The following ZZEF1 variants were observed in gnomAD, a reference collection of about 807,000 sequenced individuals.
ZZEF1 encodes the protein zinc finger ZZ-type and EF-hand domain-containing protein 1.
In ZZEF1, 157 loss-of-function variants were observed where a neutral mutation model predicts 342.8. The observed-to-expected ratio is 0.46, with a 90% CI of 0.40 to 0.52. The LOEUF (loss-of-function observed/expected upper bound fraction) is 0.52. ZZEF1 is among the 20% of genes least tolerant of loss of function. ZZEF1 has a pLI of 0.00. For synonymous variants in ZZEF1, 1,505 were observed against 1,429.1 expected (o/e 1.05, Z -1.20); for missense variants, 3,480 against 3,725.6 (o/e 0.93, Z 1.72).
chr17:4,140,659 G>A (rs776611134), intron 1 of ZZEF1, among the ~76,000 whole-genome samples: 15 of 152,100 alleles, frequency 9.9e-5, no homozygotes, highest in Non-Finnish European at 1.9e-4. Flanking sequence ...AGTATTTCTT[G>A]ACCTTCTATT....
chr17:4,062,742 T>C lies in ZZEF1; in HGVS notation c.4883+11A>G, dbSNP rs1197655086. ...TGCTGTTTTCCTTCTGGACCTGTCCTTTGTACTTACTTGGTAAAATCTTTC... is the reference window on the plus strand; with the variant it reads ...TGCTGTTTTCCTTCTGGACCTGTCCCTTGTACTTACTTGGTAAAATCTTTC... On this transcript the variant is annotated intron_variant, in intron 30 of 54. Transcript: ENST00000381638. The C allele has an allele frequency of 1.3e-6, 2 of 1,590,812 alleles. No homozygotes were observed. The highest frequency in any genetic ancestry group is 4.5e-5 in the East Asian group (2 of 44,328).
chr17:4,044,884 T>C (rs1180384903), intron 37 of ZZEF1, among the ~76,000 whole-genome samples: 2 of 152,182 alleles, frequency 1.3e-5, no homozygotes, highest in African/African-American at 4.8e-5. Flanking sequence ...CTGGGTGTGA[T>C]GGCTCATGTC....
chr17:4,006,043 T>G lies in ZZEF1; in HGVS notation c.*847A>C, dbSNP rs917124839. 6 of 152,240 alleles carry G rather than the reference T, an allele frequency of 3.9e-5. No individual in the cohort carries two copies. The highest frequency in any genetic ancestry group is 6.5e-5 in the Admixed American group (1 of 15,294). The allele number at this position is 152,240 out of a possible 1,614,324, so 9.4% of individuals were successfully genotyped here. On this transcript the variant is annotated 3_prime_UTR_variant, in exon 55 of 55. Coordinates refer to ENST00000381638, the MANE Select transcript of ZZEF1 (RefSeq NM_015113.4). The stretch of plus-strand genomic sequence containing the variant: ...AATAAAATTATGTGGGTTTTTACTC[T>G]TAAAATAAGATATCCTCTGATCATC...
At chr17:4,119,362 A>G (rs758345229) in intron 2 of ZZEF1, among the ~76,000 whole-genome samples, 2 of 152,176 alleles carry the variant, frequency 1.3e-5, no homozygotes, top group Non-Finnish European at 2.9e-5. Context: ...AATGTCTGCA[A>G]TCCCTCCAGG....
chr17:4,076,133 C>CTCTCTTTTTTTTTT (rs1567818625), intron 21 of ZZEF1: 1 of 104,864 alleles, frequency 9.5e-6, no homozygotes, highest in Non-Finnish European at 1.8e-5. Context: ...TCTGCGTCTC[C>CTCTCTTTTTTTTTT]TTTCTTTTTT....
chr17:4,109,920 G>T (rs78839012), intron 5 of ZZEF1, 57 bp from the exon 6 acceptor site: 3 of 1,571,076 alleles, frequency 1.9e-6, no homozygotes, highest in Non-Finnish European at 2.6e-6. Context: ...GCAAATGCTG[G>T]GCTCCCAACT....
chr17:4,114,216 C>T (rs2058358098), intron 4 of ZZEF1, 83 bp downstream of exon 4: 11 of 1,145,546 alleles, frequency 9.6e-6, no homozygotes, highest in Non-Finnish European at 1.3e-5. Flanking sequence ...ATCTTCATAG[C>T]CACTTAAAAT....
At chr17:4,009,520 G>T in intron 53 of ZZEF1, 84 bp downstream of exon 53, 2 of 1,586,246 alleles carry the variant, frequency 1.3e-6, no homozygotes, top group South Asian at 2.2e-5. Context: ...AGGCTCGGAT[G>T]AGGCAGCAGC....
chr17:4,054,140 T>A lies in ZZEF1; in HGVS notation c.5351A>T (p.Asp1784Val). Residue 1784 changes from aspartate (D) to valine (V), a missense_variant, in exon 34 of 55, where the codon GAT (aspartate) becomes GTT (valine). Around this residue, in one of 5 missense-constraint regions of ZZEF1, gnomAD observed 175 missense variants for 254.6 expected, o/e 0.69. Transcript: ENST00000381638. ...CCAGGGGGCAATCTCATCACACCCA[T>A]CACAAGAGATGTCCACATTTAACAG... ...CDLLNVDISC[D>V]GCDEIAPWHR... 1.2e-6 allele frequency: 2 copies of A among 1,613,984 alleles called. No individual in the cohort carries two copies. Among genetic ancestry groups the A allele is most frequent in the Non-Finnish European group, 1.7e-6 (2 of 1,179,948 alleles).
At chr17:4,045,490 C>T (rs1263024835) in intron 37 of ZZEF1, among the ~76,000 whole-genome samples, 1 of 152,164 alleles carries the variant, frequency 6.6e-6, no homozygotes, top group Non-Finnish European at 1.5e-5. Context: ...TGGTATCTAA[C>T]ATTATCTTTA....
At chr17:4,010,724 C>CAAAAAAAA (rs58349682) in intron 52 of ZZEF1, among the ~76,000 whole-genome samples, 23,313 of 84,826 alleles carry the variant, frequency 0.27, 4,513 homozygotes, top group African/African-American at 0.31. Flanking sequence ...GATTCCGTCT[C>CAAAAAAAA]AAAAAAAAAA....
chr17:4,112,300 C>G (rs1007329222), intron 5 of ZZEF1, among the ~76,000 whole-genome samples: 6 of 151,012 alleles, frequency 4.0e-5, no homozygotes, highest in African/African-American at 2.4e-5. Context: ...TACCCACCCC[C>G]ACGCCTGGAT....
chr17:4,112,538 G>A, intron 5 of ZZEF1, 71 bp downstream of exon 5: 1 of 1,458,766 alleles, frequency 6.9e-7, no homozygotes, highest in Non-Finnish European at 9.5e-7. Flanking sequence ...AAAACTAACA[G>A]CCTCTTCACT....
intron 1 of ZZEF1, among the ~76,000 whole-genome samples, chr17:4,137,687 T>C (rs1407536153): frequency 6.6e-6 from 1 of 152,228 alleles, no homozygotes; most frequent in African/African-American, 2.4e-5. Context: ...CAGCCATCCC[T>C]TACCAAAGAC....
chr17:4,130,380 G>T (rs1052472187), intron 1 of ZZEF1, among the ~76,000 whole-genome samples: 1 of 152,166 alleles, frequency 6.6e-6, no homozygotes, highest in Admixed American at 6.5e-5. Context: ...TTGAACCCAG[G>T]AGGTGGAGCT....
intron 1 of ZZEF1, among the ~76,000 whole-genome samples, chr17:4,128,795 G>A (rs1158800750): frequency 3.1e-5 from 4 of 127,638 alleles, no homozygotes; most frequent in Admixed American, 1.8e-4. Flanking sequence ...TTTTTGAGAC[G>A]GAGTCTTGCT....
At chr17:4,060,643 T>G (rs1237428939) in intron 30 of ZZEF1, among the ~76,000 whole-genome samples, 1 of 145,842 alleles carries the variant, frequency 6.9e-6, no homozygotes, top group African/African-American at 2.6e-5. Flanking sequence ...TTCCTGCTTC[T>G]CCTGATGCCA....
chr17:4,034,813 A>T (rs181476959), intron 39 of ZZEF1, among the ~76,000 whole-genome samples: 19 of 152,316 alleles, frequency 1.2e-4, no homozygotes, highest in Admixed American at 1.1e-3. Context: ...CCTGGGCAAC[A>T]TAGTGAGACC....
In ZZEF1 at chr17:4,112,601, G is replaced by A; in HGVS notation, c.1066+8C>T. 2 of 1,613,592 alleles carry A rather than the reference G, an allele frequency of 1.2e-6. No individual in the cohort carries two copies. The highest frequency in any genetic ancestry group is 1.7e-6 in the Non-Finnish European group (2 of 1,179,618). ...TTTTCCCTATCCCCTCAGTTCTGTT[G>A]GACTTACAGAGCTGACTGACGTTGG... On this transcript the variant is annotated splice_region_variant and intron_variant, in intron 5 of 54. Coordinates refer to ENST00000381638, the MANE Select transcript of ZZEF1 (RefSeq NM_015113.4).
Sources: allele counts gnomAD v4.1 joint callset (sites outside exome capture counted in the v4.1 genomes callset), GRCh38; gene constraint gnomAD v4.1.1; regional missense constraint gnomAD v4.1.1; transcripts MANE v1.5; gene names NCBI Gene and HGNC (gene_info 2026-07-23, HGNC 2026-07-21).